Variants in PTPRE observed in about 807,000 individuals in gnomAD.
PTPRE encodes protein tyrosine phosphatase receptor type E, also known as receptor-type tyrosine-protein phosphatase epsilon.
PTPRE carries 51 observed loss-of-function variants against 102.0 expected under a neutral mutation model. The observed-to-expected ratio is 0.50, with a 90% confidence interval of 0.40 to 0.63. PTPRE has a LOEUF of 0.63. Ranked by LOEUF, PTPRE falls within the 30% of genes least tolerant of loss-of-function variation. PTPRE has a pLI of 0.00. For missense variants in PTPRE, 752 were observed against 915.1 expected (o/e 0.82, Z 2.30); for synonymous variants, 345 against 348.2 (o/e 0.99, Z 0.10).
At chr10:128,055,230 A>T (rs1400516063) in intron 6 of PTPRE, among the ~76,000 whole-genome samples, 2 of 152,172 alleles carry the variant, frequency 1.3e-5, no homozygotes, top group Non-Finnish European at 2.9e-5. Flanking sequence ...GAGGCTCTTC[A>T]CACTGTGCAT....
chr10:128,038,302 A>G (rs1847396381), intron 2 of PTPRE, among the ~76,000 whole-genome samples: 1 of 152,220 alleles, frequency 6.6e-6, no homozygotes, highest in Admixed American at 6.5e-5. Context: ...CCATCCCATT[A>G]CTGGGTATAT....
chr10:127,945,366 C>G (rs1848552093), intron 1 of PTPRE, among the ~76,000 whole-genome samples: 1 of 152,210 alleles, frequency 6.6e-6, no homozygotes, highest in Non-Finnish European at 1.5e-5. Flanking sequence ...TGTGCCTGAC[C>G]TCATATCTGA....
In PTPRE at chr10:128,066,310, A is replaced by C. The variant is rs546239166; in HGVS notation, c.843+116A>C. ...TTTGCTCCCAGCCCGGCACTGTCGCAGCCCTGGCTGAGAGGGTGCAGTGGC... is the reference window on the plus strand; with the variant it reads ...TTTGCTCCCAGCCCGGCACTGTCGCCGCCCTGGCTGAGAGGGTGCAGTGGC... On this transcript the variant is annotated intron_variant, in intron 11 of 20. Transcript: ENST00000254667. The C allele has an allele frequency of 3.3e-5, 50 of 1,505,672 alleles. No individual in the cohort carries two copies. In the African/African-American group the frequency reaches 6.3e-4, roughly 19 times the overall value. 93.3% of individuals were successfully genotyped at this position (1,505,672 alleles called of 1,614,324 possible).
chr10:128,002,687 T>C (rs1385664593), intron 2 of PTPRE, among the ~76,000 whole-genome samples: 5 of 18,116 alleles, frequency 2.8e-4, no homozygotes, highest in South Asian at 3.3e-3. Context: ...ACATATCTTT[T>C]TTTTTTTTTT....
Position 127,907,465 on chromosome 10 carries a change from G to A in PTPRE, c.-31+156G>A, listed in dbSNP as rs1299657479. ...GGACCCCGGCCCCGCCGCCCCCGCG[G>A]CGCGCCCAGTACCAGCGGCTGGGGC... On this transcript the variant is annotated intron_variant, in intron 1 of 20. Coordinates refer to ENST00000254667, the MANE Select transcript of PTPRE (RefSeq NM_006504.6). The surrounding 1 kb of genome is among the most constrained non-coding windows in gnomAD (Gnocchi z 4.8). Among the ~76,000 whole-genome samples, 1 of 151,722 alleles carries A rather than the reference G, an allele frequency of 6.6e-6. No homozygotes were observed. The highest frequency in any genetic ancestry group is 1.5e-5 in the Non-Finnish European group (1 of 67,860).
intron 2 of PTPRE, among the ~76,000 whole-genome samples, chr10:128,001,902 C>T (rs1262596881): frequency 1.3e-5 from 2 of 152,184 alleles, no homozygotes; most frequent in Non-Finnish European, 2.9e-5. Context: ...GTGGGCTCAC[C>T]TGGTTTCTCC....
intron 1 of PTPRE, among the ~76,000 whole-genome samples, chr10:127,927,211 C>T (rs1053003095): frequency 2.1e-4 from 32 of 152,118 alleles, no homozygotes; most frequent in Non-Finnish European, 2.9e-4. Flanking sequence ...GTTGGGTTCT[C>T]GCTCACCATT....
intron 1 of PTPRE, among the ~76,000 whole-genome samples, chr10:127,941,953 G>A (rs1848278592): frequency 6.6e-6 from 1 of 152,170 alleles, no homozygotes; most frequent in South Asian, 2.1e-4. Context: ...GTGTGGCCCA[G>A]ACTGTGTCAC....
intron 2 of PTPRE, among the ~76,000 whole-genome samples, chr10:128,019,194 C>T (rs1004587795): frequency 5.9e-5 from 9 of 152,258 alleles, no homozygotes; most frequent in Non-Finnish European, 8.8e-5. Context: ...GCCCGACTTC[C>T]AATCCCAGCC....
chr10:127,957,269 G>A (rs1589829400), intron 1 of PTPRE, among the ~76,000 whole-genome samples: 1 of 152,278 alleles, frequency 6.6e-6, no homozygotes, highest in East Asian at 1.9e-4. Flanking sequence ...AAGCCTGTGT[G>A]TAGATTCATT....
chr10:128,027,334 G>A (rs967149309), intron 2 of PTPRE, among the ~76,000 whole-genome samples: 2 of 152,108 alleles, frequency 1.3e-5, no homozygotes, highest in African/African-American at 4.8e-5. Context: ...CTCCCTCCTC[G>A]GCTGCTTTTG....
chr10:127,970,313 A>G (rs1850627758), intron 1 of PTPRE, among the ~76,000 whole-genome samples: 1 of 152,194 alleles, frequency 6.6e-6, no homozygotes, highest in Admixed American at 6.5e-5. Context: ...CAATGGAAGG[A>G]CGGTAAGGTC....
intron 7 of PTPRE, 30 bp downstream of exon 7, chr10:128,056,243 C>A: frequency 6.4e-7 from 1 of 1,558,758 alleles, no homozygotes; most frequent in South Asian, 1.1e-5. Flanking sequence ...TTTGCATGAT[C>A]AATGGTGTTT....
chr10:127,937,858 T>TA (rs1847945322), intron 1 of PTPRE, among the ~76,000 whole-genome samples: 1 of 151,918 alleles, frequency 6.6e-6, no homozygotes, highest in South Asian at 2.1e-4. Context: ...GACTCTGTCT[T>TA]AAAAAAATAA....
chr10:128,059,018 C>G (rs938291753), intron 7 of PTPRE, among the ~76,000 whole-genome samples: 3 of 152,176 alleles, frequency 2.0e-5, no homozygotes, highest in Non-Finnish European at 4.4e-5. Flanking sequence ...AAAGTGCCAA[C>G]AGCTGATAAT....
chr10:128,069,714 A>C lies in PTPRE; in HGVS notation c.1030A>C (p.Thr344Pro). 6.2e-7 allele frequency: 1 copy of C among 1,614,144 alleles called. No individual in the cohort carries two copies. The highest frequency in any genetic ancestry group is 8.5e-7 in the Non-Finnish European group (1 of 1,180,016). Residue 344 changes from threonine (T) to proline (P), a missense_variant, in exon 13 of 21, where the codon ACC becomes CCC. By Grantham distance (38) the Thr-to-Pro change is conservative. This residue lies in a region of PTPRE where 636 missense variants were observed against 824.4 expected (regional missense o/e 0.77). Transcript: ENST00000254667. Reference protein sequence around the residue: ...HCSAGVGRTGTFIVIDAMMAM... With the variant: ...HCSAGVGRTGPFIVIDAMMAM... ...AAGCGCGGGCGTGGGCCGGACGGGCACCTTCATTGTGATCGATGCCATGAT... is the reference window on the plus strand; with the variant it reads ...AAGCGCGGGCGTGGGCCGGACGGGCCCCTTCATTGTGATCGATGCCATGAT...
chr10:127,918,853 C>T (rs1023658887), intron 1 of PTPRE, among the ~76,000 whole-genome samples: 5 of 152,272 alleles, frequency 3.3e-5, no homozygotes, highest in African/African-American at 1.2e-4. Context: ...AGTCTTTTTG[C>T]AAAATTGCAA....
At chr10:127,956,665 G>A (rs2135370140) in intron 1 of PTPRE, among the ~76,000 whole-genome samples, 1 of 152,318 alleles carries the variant, frequency 6.6e-6, no homozygotes. Context: ...TTCCAAAGCA[G>A]CTGTACCATT....
At chr10:127,951,215 G>T (rs7914166) in intron 1 of PTPRE, among the ~76,000 whole-genome samples, 1 of 152,096 alleles carries the variant, frequency 6.6e-6, no homozygotes, top group East Asian at 1.9e-4. Context: ...GAGAGTCGTG[G>T]CTCCTCAATG....
Sources: gnomAD v4.1 joint callset for allele counts (sites outside exome capture counted in the v4.1 genomes callset) on GRCh38, gnomAD v4.1.1 for gene constraint, gnomAD v4.1.1 regional missense constraint, Gnocchi (gnomAD v3.1) non-coding constraint, MANE v1.5 for transcripts, NCBI Gene and HGNC (gene_info 2026-07-23, HGNC 2026-07-21) for gene names.